TENM2: variants seen among roughly 807,000 people sequenced by gnomAD.
TENM2 encodes teneurin-2.
TENM2 carries 52 observed loss-of-function variants against 245.2 expected under a neutral mutation model. The observed-to-expected ratio is 0.21, with a 90% CI of 0.17 to 0.27. The LOEUF (loss-of-function observed/expected upper bound fraction) is 0.27. Ranked by LOEUF, TENM2 falls within the 10% of genes least tolerant of loss-of-function variation. The pLI, the probability that TENM2 is intolerant of heterozygous loss-of-function variation, is 1.00. For missense variants in TENM2, 3,046 were observed against 3,666.8 expected, an observed-to-expected ratio of 0.83 and a Z score of 4.37; for synonymous variants, 1,363 against 1,438.9, an observed-to-expected ratio of 0.95 and a Z score of 1.19.
intron 2 of TENM2, among the ~76,000 whole-genome samples, chr5:167,383,987 CCACT>C (rs1761260461): frequency 6.6e-6 from 1 of 152,114 alleles, no homozygotes; most frequent in Admixed American, 6.5e-5. Flanking sequence ...GCCTAAGCAA[CCACT>C]CACTCCTCAA....
At chr5:167,340,788 TATTA>T (rs1295044951) in intron 1 of TENM2, among the ~76,000 whole-genome samples, 1 of 152,260 alleles carries the variant, frequency 6.6e-6, no homozygotes, top group Non-Finnish European at 1.5e-5. Context: ...GCATAAATCA[TATTA>T]ATCATACAGA....
chr5:168,097,250 T>C (rs969805045), intron 8 of TENM2, among the ~76,000 whole-genome samples: 12 of 152,184 alleles, frequency 7.9e-5, no homozygotes, highest in Non-Finnish European at 2.9e-5. Context: ...TCTCTATACC[T>C]AAGGCTAAAA....
rs58866696 is a variant in TENM2, at chr5:167,920,515, TCACACA to T, written c.713-32036_713-32031del. The stretch of plus-strand genomic sequence containing the variant: ...CCTGGGCAACAAGAGCGAAACTCCA[TCACACA>T]CACACACACACACACACACACACAC... On this transcript the variant is annotated intron_variant, in intron 3 of 28. Transcript: ENST00000518659. Among the ~76,000 whole-genome samples the T allele has an allele frequency of 1.5e-3, 192 of 129,518 alleles. 1 individual carries two copies. Among genetic ancestry groups the T allele is most frequent in the Middle Eastern group, 3.9e-3 (1 of 258 alleles). The allele number at this position is 129,518 out of a possible 152,430, so 85.0% of individuals were successfully genotyped here.
chr5:168,118,320 T>C, exon 10 of TENM2: 2 of 1,604,824 alleles, frequency 1.2e-6, no homozygotes, highest in Non-Finnish European at 1.7e-6. Context: ...GCAGTGGGAA[T>C]GGACAATATT....
At chr5:167,277,321 T>G in the TENM2 span, among the ~76,000 whole-genome samples, 1 of 152,152 alleles carries the variant, frequency 6.6e-6, no homozygotes, top group Non-Finnish European at 1.5e-5. Context: ...TCATTTTTAT[T>G]CACTTTAATG....
At chr5:167,321,207 A>T (rs115011593) in intron 1 of TENM2, among the ~76,000 whole-genome samples, 5,017 of 152,136 alleles carry the variant, frequency 0.033, 258 homozygotes, top group African/African-American at 0.11. Context: ...ACAAAATTAA[A>T]AAAAAAAAGA....
intron 3 of TENM2, among the ~76,000 whole-genome samples, chr5:167,949,191 G>A (rs887091405): frequency 1.3e-5 from 2 of 152,108 alleles, no homozygotes; most frequent in African/African-American, 4.8e-5. Flanking sequence ...CGAGAACAGG[G>A]ATCGCTAGGG....
chr5:167,156,433 C>G, the TENM2 span, among the ~76,000 whole-genome samples: 1 of 152,166 alleles, frequency 6.6e-6, no homozygotes, highest in Non-Finnish European at 1.5e-5. Flanking sequence ...TTTAAAAATA[C>G]GTATTTGCCT....
At chr5:167,831,550 C>T (rs2151094760) in intron 2 of TENM2, among the ~76,000 whole-genome samples, 1 of 150,520 alleles carries the variant, frequency 6.6e-6, no homozygotes, top group Non-Finnish European at 1.5e-5. Flanking sequence ...GTTTTGGCCC[C>T]AATGCAATAA....
At chr5:167,833,914 C>G (rs1466334197) in intron 2 of TENM2, among the ~76,000 whole-genome samples, 1 of 152,214 alleles carries the variant, frequency 6.6e-6, no homozygotes, top group Non-Finnish European at 1.5e-5. Context: ...AAGTCCCTGA[C>G]TAGAAGCCCA....
chr5:167,896,906 A>C (rs1484936587), intron 3 of TENM2, among the ~76,000 whole-genome samples: 2 of 152,228 alleles, frequency 1.3e-5, no homozygotes, highest in Non-Finnish European at 2.9e-5. Flanking sequence ...CGTTGCTAAA[A>C]CGTCCAGAAA....
the TENM2 span, among the ~76,000 whole-genome samples, chr5:167,056,743 A>G: frequency 6.7e-6 from 1 of 149,956 alleles, no homozygotes; most frequent in African/African-American, 2.4e-5. Flanking sequence ...TGATATACCT[A>G]GGTGTTTATT....
intron 13 of TENM2, among the ~76,000 whole-genome samples, chr5:168,185,441 T>C (rs929793157): frequency 2.0e-5 from 3 of 152,106 alleles, no homozygotes; most frequent in African/African-American, 7.2e-5. Flanking sequence ...AGCAGCACTA[T>C]CTACCATCGT....
chr5:167,857,076 T>C (rs1771159411), intron 2 of TENM2, among the ~76,000 whole-genome samples: 1 of 151,616 alleles, frequency 6.6e-6, no homozygotes, highest in South Asian at 2.1e-4. Flanking sequence ...TGAAAGGTGG[T>C]AGTTATTCAA....
At chr5:168,203,968 A>G in intron 18 of TENM2, 136 bp downstream of exon 20, 1 of 545,744 alleles carries the variant, frequency 1.8e-6, no homozygotes, top group Non-Finnish European at 3.0e-6. Flanking sequence ...ATATGCATGG[A>G]TTTTCCTACC....
chr5:168,080,037 T>G (rs1791839453), intron 7 of TENM2, among the ~76,000 whole-genome samples: 1 of 152,240 alleles, frequency 6.6e-6, no homozygotes, highest in South Asian at 2.1e-4. Flanking sequence ...CTGTTAGAAT[T>G]TGGCTGTGAA....
At chr5:167,854,386 A>G (rs1349621461) in intron 2 of TENM2, among the ~76,000 whole-genome samples, 2 of 152,182 alleles carry the variant, frequency 1.3e-5, no homozygotes, top group African/African-American at 2.4e-5. Flanking sequence ...CTATCCCTGT[A>G]TATGTTGAGC....
At chr5:167,523,136 A>G (rs1313268522) in intron 2 of TENM2, among the ~76,000 whole-genome samples, 1 of 152,158 alleles carries the variant, frequency 6.6e-6, no homozygotes, top group African/African-American at 2.4e-5. Context: ...GGTCCCAGCC[A>G]GGTAATCCAG....
rs113155634 is a variant in TENM2, at chr5:168,043,239, C to CT, written c.1187-4175dup. ...GGCTACTCTGAGGTTTCTCAGCTTT[C>CT]TTTTTTTTTTTTTAACTAATTAAAT... On this transcript the variant is annotated intron_variant, in intron 5 of 28. Coordinates refer to ENST00000518659, the Ensembl canonical transcript of TENM2. 4.6e-3 allele frequency among the ~76,000 whole-genome samples: 663 copies of CT among 143,812 alleles called. 5 individuals carry two copies. The highest frequency in any genetic ancestry group is 0.012 in the African/African-American group (461 of 39,396). 94.3% of individuals were successfully genotyped at this position (143,812 alleles called of 152,430 possible). A position where few individuals can be genotyped will look rare whatever the true frequency, so the allele number is the denominator to read the frequency against.
Sources: gnomAD v4.1 joint callset for allele counts (sites outside exome capture counted in the v4.1 genomes callset) on GRCh38, gnomAD v4.1.1 for gene constraint, MANE v1.5 for transcripts, NCBI Gene and HGNC (gene_info 2026-07-23, HGNC 2026-07-21) for gene names.